The following IGF2BP1 variants were observed in gnomAD, a reference collection of about 807,000 sequenced individuals.
IGF2BP1 encodes the protein insulin-like growth factor 2 mRNA-binding protein 1.
In IGF2BP1, 11 loss-of-function variants were observed where a neutral mutation model predicts 74.9. That is an observed-to-expected ratio of 0.15 (90% CI 0.09 to 0.24). IGF2BP1 has a LOEUF of 0.24. Ranked by LOEUF, IGF2BP1 falls within the 10% of genes least tolerant of loss-of-function variation. The pLI, the probability that IGF2BP1 is intolerant of heterozygous loss-of-function variation, is 1.00. For missense variants in IGF2BP1, 440 were observed against 757.4 expected (o/e 0.58, Z 4.92); for synonymous variants, 287 against 281.8 (o/e 1.02, Z -0.18).
chr17:49,042,726 G>T (rs1474247603), intron 9 of IGF2BP1, among the ~76,000 whole-genome samples: 3 of 151,868 alleles, frequency 2.0e-5, no homozygotes, highest in Non-Finnish European at 4.4e-5. Context: ...GCCCAGGTTG[G>T]AGCACAATGG....
In IGF2BP1 at chr17:49,026,560, T is replaced by C. The variant is rs540380684; in HGVS notation, c.337+43T>C. 3.5e-5 allele frequency: 53 copies of C among 1,524,470 alleles called. 1 individual carries two copies. In the South Asian group the frequency reaches 5.9e-4, roughly 17 times the overall value. 94.4% of individuals were successfully genotyped at this position (1,524,470 alleles called of 1,614,324 possible). ...GTGGGGTGGCACTCGTGGTGGGGGT[T>C]GGAGGAGTTTGGTGCATTTGTTCTG... is the stretch of plus-strand genomic sequence containing the variant. On this transcript the variant is annotated intron_variant, in intron 4 of 14. Transcript: ENST00000290341.
chr17:49,003,622 C>G (rs973569356), intron 2 of IGF2BP1, among the ~76,000 whole-genome samples: 1 of 152,058 alleles, frequency 6.6e-6, no homozygotes. Context: ...GTTCCCTATC[C>G]TCTTAAAAGA....
chr17:49,046,441 A>G (rs575679658), intron 14 of IGF2BP1, 68 bp downstream of exon 14: 5 of 1,202,440 alleles, frequency 4.2e-6, no homozygotes, highest in African/African-American at 3.0e-5. Flanking sequence ...CAGAGACTCT[A>G]TAGAGGTTGA....
rs1461516732 is a variant in IGF2BP1, at chr17:49,055,993, G to T, written c.*6549G>T. ...CTTTAATCTGTTCATTGCTTTGGGGGAGGTGGGGCAGCTGGCTCACACGTT... is the reference window on the plus strand; with the variant it reads ...CTTTAATCTGTTCATTGCTTTGGGGTAGGTGGGGCAGCTGGCTCACACGTT... On this transcript the variant is annotated 3_prime_UTR_variant, in exon 15 of 15. Coordinates refer to ENST00000290341, the MANE Select transcript of IGF2BP1 (RefSeq NM_006546.4). 6.6e-6 allele frequency among the ~76,000 whole-genome samples: 1 copy of T among 152,008 alleles called. No individual in the cohort carries two copies. The highest frequency in any genetic ancestry group is 1.5e-5 in the Non-Finnish European group (1 of 68,012).
intron 2 of IGF2BP1, among the ~76,000 whole-genome samples, chr17:49,014,198 T>TCCCCGCGGTCCCCGTCC (rs2041661573): frequency 6.8e-6 from 1 of 147,272 alleles, no homozygotes; most frequent in Non-Finnish European, 1.5e-5. Flanking sequence ...TTAGTGGTTC[T>TCCCCGCGGTCCCCGTCC]CCCCGCGGTC....
chr17:49,008,118 G>A (rs1006910718), intron 2 of IGF2BP1, among the ~76,000 whole-genome samples: 4 of 151,548 alleles, frequency 2.6e-5, no homozygotes, highest in African/African-American at 9.7e-5. Context: ...GTTACAGTGA[G>A]CAGAGATTGT....
intron 2 of IGF2BP1, among the ~76,000 whole-genome samples, chr17:49,021,458 G>A (rs907738371): frequency 2.6e-5 from 4 of 152,110 alleles, no homozygotes; most frequent in Admixed American, 6.6e-5. Context: ...GCCCAGCAGC[G>A]TTTGAGAGGT....
intron 5 of IGF2BP1, 140 bp from the exon 6 acceptor site, chr17:49,038,028 G>A (rs940990947): frequency 3.5e-5 from 22 of 630,692 alleles, no homozygotes; most frequent in Non-Finnish European, 5.2e-5. Flanking sequence ...AAAAATGGAG[G>A]TGGAGGTAGT....
At chr17:49,000,617 G>A (rs566606018) in intron 2 of IGF2BP1, among the ~76,000 whole-genome samples, 75 of 152,264 alleles carry the variant, frequency 4.9e-4, no homozygotes, top group African/African-American at 1.7e-3. Context: ...AAAGGATATG[G>A]ATATTTGAAC....
At chr17:49,023,985 C>T (rs993721822) in intron 2 of IGF2BP1, among the ~76,000 whole-genome samples, 5 of 148,716 alleles carry the variant, frequency 3.4e-5, no homozygotes, top group Admixed American at 6.8e-5. Context: ...GGTGTGATTT[C>T]GGCTCACTGC....
chr17:48,999,087 A>ATTT, intron 1 of IGF2BP1, 22 bp from the exon 2 acceptor site: 12 of 1,160,436 alleles, frequency 1.0e-5, no homozygotes, highest in East Asian at 2.8e-5. Flanking sequence ...TCTCATGGTA[A>ATTT]TTTTTTTTTT....
intron 2 of IGF2BP1, among the ~76,000 whole-genome samples, chr17:49,018,287 A>G (rs1348781184): frequency 6.6e-6 from 1 of 152,210 alleles, no homozygotes; most frequent in Non-Finnish European, 1.5e-5. Flanking sequence ...CTGATTAGAA[A>G]TCTGGTACCT....
intron 4 of IGF2BP1, 94 bp downstream of exon 4, chr17:49,026,611 C>T: frequency 1.9e-6 from 2 of 1,029,150 alleles, no homozygotes; most frequent in Non-Finnish European, 1.5e-6. Flanking sequence ...TTCTTTTTCT[C>T]CCTTCCTTCC....
chr17:49,014,557 G>A (rs73988942), intron 2 of IGF2BP1, among the ~76,000 whole-genome samples: 1 of 152,120 alleles, frequency 6.6e-6, no homozygotes, highest in Non-Finnish European at 1.5e-5. Flanking sequence ...GGCACTTGAG[G>A]GGGGGAGGAG....
intron 2 of IGF2BP1, among the ~76,000 whole-genome samples, chr17:49,000,233 G>C (rs2041471230): frequency 6.6e-6 from 1 of 152,080 alleles, no homozygotes; most frequent in Non-Finnish European, 1.5e-5. Flanking sequence ...CATTTCAGCT[G>C]AAAACTTGGT....
At chr17:49,018,099 TC>T (rs1227483837) in intron 2 of IGF2BP1, 1 of 152,220 alleles carries the variant, frequency 6.6e-6, no homozygotes, top group Non-Finnish European at 1.5e-5. Flanking sequence ...ATTCAGTTGC[TC>T]AGTTGGACTG....
chr17:49,042,245 G>A lies in IGF2BP1; in HGVS notation c.945G>A (p.Leu315=), dbSNP rs762722022. Residue 315 remains leucine (L), a synonymous_variant, in exon 9 of 15, where the codon TTG becomes TTA. Coordinates refer to ENST00000290341, the MANE Select transcript of IGF2BP1 (RefSeq NM_006546.4). ...DTETKITISS[L]QDLTLYNPER... ...ACAACTCTGCTCTTTCTGCCAGGTT[G>A]CAAGACCTTACCCTTTACAACCCTG... is the stretch of plus-strand genomic sequence containing the variant. 3.1e-6 allele frequency: 5 copies of A among 1,614,082 alleles called. No individual in the cohort carries two copies. The highest frequency in any genetic ancestry group is 4.2e-6 in the Non-Finnish European group (5 of 1,180,038).
Position 49,023,261 on chromosome 17 carries a change from T to G in IGF2BP1, c.237-2357T>G, listed in dbSNP as rs1366532577. On this transcript the variant is annotated intron_variant, in intron 2 of 14. Coordinates refer to ENST00000290341, the MANE Select transcript of IGF2BP1 (RefSeq NM_006546.4). ...TATTTTGTCCTGCTATAATCTGACT[T>G]ACTTAGGTCAAGTTCATGAACAAAC... 3.9e-5 allele frequency among the ~76,000 whole-genome samples: 6 copies of G among 152,238 alleles called. No homozygotes were observed. The East Asian group carries it at 5.8e-4, about 15-fold the overall frequency.
At chr17:49,019,659 A>G (rs1442305857) in intron 2 of IGF2BP1, among the ~76,000 whole-genome samples, 1 of 151,898 alleles carries the variant, frequency 6.6e-6, no homozygotes, top group Non-Finnish European at 1.5e-5. Flanking sequence ...CTATTTCAGT[A>G]TGTATTTCTA....
Sources: allele counts gnomAD v4.1 joint callset (sites outside exome capture counted in the v4.1 genomes callset), GRCh38; gene constraint gnomAD v4.1.1; transcripts MANE v1.5; gene names NCBI Gene and HGNC (gene_info 2026-07-23, HGNC 2026-07-21).